Variants in PRKDC observed in about 807,000 individuals in gnomAD.
The protein encoded by PRKDC is protein kinase, DNA-activated, catalytic subunit.
PRKDC carries 82 observed loss-of-function variants against 486.9 expected under a neutral mutation model. The observed-to-expected ratio is 0.17, with a 90% CI of 0.14 to 0.20. The LOEUF (loss-of-function observed/expected upper bound fraction) is 0.20. Ranked by LOEUF, PRKDC falls within the 10% of genes least tolerant of loss-of-function variation. PRKDC has a pLI of 1.00. For missense variants in PRKDC, 4,504 were observed against 5,038.2 expected (o/e 0.89, Z 3.21); for synonymous variants, 1,895 against 1,837.0 (o/e 1.03, Z -0.81).
In PRKDC at chr8:47,898,415, T is replaced by C. The variant is rs55960960; in HGVS notation, c.3464+55A>G. 1,057 of 1,362,198 alleles carry C rather than the reference T, an allele frequency of 7.8e-4. 14 individuals carry two copies. The East Asian group carries it at 0.024, about 32-fold the overall frequency. The allele number at this position is 1,362,198 out of a possible 1,614,324, so 84.4% of individuals were successfully genotyped here. A position where few individuals can be genotyped will look rare whatever the true frequency, so the allele number is the denominator to read the frequency against. On this transcript the variant is annotated intron_variant, in intron 29 of 85. Coordinates refer to ENST00000314191, the MANE Select transcript of PRKDC (RefSeq NM_006904.7). Reference sequence around the variant, plus strand: ...CCATCCCAGGTTGTCCTTCATTAGCTGTGAATTAGTTTTATGTTGTGGGAA... The same window carrying C: ...CCATCCCAGGTTGTCCTTCATTAGCCGTGAATTAGTTTTATGTTGTGGGAA...
At chr8:47,881,581 C>T in intron 37 of PRKDC, 61 bp from the exon 38 acceptor site, 1 of 855,766 alleles carries the variant, frequency 1.2e-6, no homozygotes, top group African/African-American at 1.7e-5. Flanking sequence ...TTCCTTTAGC[C>T]CATTGCTCAA....
At chr8:47,886,835 G>A (rs540593707) in intron 35 of PRKDC, among the ~76,000 whole-genome samples, 11 of 152,186 alleles carry the variant, frequency 7.2e-5, no homozygotes, top group African/African-American at 2.6e-4. Context: ...CTACAAGCAT[G>A]TGCCACCATA....
At chr8:47,875,333 T>C (rs1259878122) in intron 40 of PRKDC, among the ~76,000 whole-genome samples, 1 of 152,234 alleles carries the variant, frequency 6.6e-6, no homozygotes, top group Non-Finnish European at 1.5e-5. Flanking sequence ...TGACAAACTG[T>C]GGTTCTTCCT....
intron 5 of PRKDC, 47 bp from the exon 6 acceptor site, chr8:47,953,966 AT>A (rs1563822723): frequency 1.7e-6 from 2 of 1,192,478 alleles, no homozygotes; most frequent in South Asian, 3.1e-5. Flanking sequence ...CTACATTTAA[AT>A]AAGTTAAACT....
chr8:47,810,233 T>A (rs1313292325), intron 68 of PRKDC, among the ~76,000 whole-genome samples: 3 of 152,204 alleles, frequency 2.0e-5, no homozygotes, highest in African/African-American at 7.2e-5. Flanking sequence ...ACCTGCAGTT[T>A]TGCTTTCCCT....
At chr8:47,807,078 G>GA (rs1010646663) in intron 69 of PRKDC, 59 bp downstream of exon 69, 22 of 1,501,934 alleles carry the variant, frequency 1.5e-5, no homozygotes, top group Non-Finnish European at 2.0e-5. Context: ...TAAAATTAGA[G>GA]AAAAGCTAAT....
chr8:47,864,828 C>G (rs916167162), intron 40 of PRKDC, 65 bp from the exon 41 acceptor site: 6 of 1,331,098 alleles, frequency 4.5e-6, no homozygotes, highest in Non-Finnish European at 6.0e-6. Flanking sequence ...TGAGTGCCTA[C>G]TACATAACAG....
intron 15 of PRKDC, 145 bp downstream of exon 15, chr8:47,933,820 G>A (rs185524844): frequency 6.0e-4 from 500 of 830,474 alleles, no homozygotes; most frequent in Non-Finnish European, 7.9e-4. Flanking sequence ...TGATTCATAC[G>A]GTTTTAATTT....
chr8:47,852,690 C>A lies in PRKDC; in HGVS notation c.6988G>T (p.Val2330Phe). The change falls in exon 52 of 86, where the codon GTT becomes TTT. Residue 2330 changes from valine to phenylalanine, a missense_variant. Val to Phe is a conservative substitution (Grantham distance 50). Transcript: ENST00000314191. ...ACACTCACGTTTTTTCTCTCCATAA[C>A]ATATCGAAGTATAAGTCCTAGAACT... ...AEVLGLILRYVMERKNILEES... is the reference protein window; with the variant it reads ...AEVLGLILRYFMERKNILEES... 6.4e-7 allele frequency: 1 copy of A among 1,570,638 alleles called. No individual in the cohort carries two copies. The highest frequency in any genetic ancestry group is 2.3e-5 in the East Asian group (1 of 43,694).
intron 40 of PRKDC, among the ~76,000 whole-genome samples, chr8:47,869,787 C>A (rs1173122113): frequency 2.0e-5 from 3 of 152,186 alleles, no homozygotes; most frequent in South Asian, 2.1e-4. Flanking sequence ...CTGCCCTGGG[C>A]CAGAGGGGAG....
intron 30 of PRKDC, among the ~76,000 whole-genome samples, chr8:47,895,044 C>T (rs887155494): frequency 6.6e-6 from 1 of 151,998 alleles, no homozygotes; most frequent in Non-Finnish European, 1.5e-5. Flanking sequence ...CTGCAACCTA[C>T]CTAGCCTGGG....
intron 83 of PRKDC, 94 bp from the exon 84 acceptor site, chr8:47,777,968 A>G: frequency 8.6e-7 from 1 of 1,160,258 alleles, no homozygotes; most frequent in Non-Finnish European, 1.2e-6. Context: ...GTTACTGTTC[A>G]CATTTAGTAA....
intron 21 of PRKDC, among the ~76,000 whole-genome samples, chr8:47,924,530 C>A (rs533682288): frequency 6.6e-6 from 1 of 151,718 alleles, no homozygotes; most frequent in Non-Finnish European, 1.5e-5. Flanking sequence ...ACTGCTCTCC[C>A]GCCTGGGAAA....
At chr8:47,920,149 A>C (rs562313242) in intron 21 of PRKDC, among the ~76,000 whole-genome samples, 2 of 152,310 alleles carry the variant, frequency 1.3e-5, no homozygotes, top group African/African-American at 4.8e-5. Flanking sequence ...GCTGTCAATA[A>C]ATATGTGGGT....
intron 54 of PRKDC, among the ~76,000 whole-genome samples, chr8:47,844,790 G>T (rs1356504604): frequency 6.6e-6 from 1 of 152,100 alleles, no homozygotes; most frequent in Non-Finnish European, 1.5e-5. Flanking sequence ...AATGACTATT[G>T]AGAAAACAAC....
chr8:47,867,993 T>TGTGG (rs2088856908), intron 40 of PRKDC, among the ~76,000 whole-genome samples: 1 of 152,238 alleles, frequency 6.6e-6, no homozygotes, highest in African/African-American at 2.4e-5. Flanking sequence ...TAAGACTAAC[T>TGTGG]GATTCCCAGA....
At chr8:47,831,259 C>T (rs1334445386) in intron 60 of PRKDC, among the ~76,000 whole-genome samples, 4 of 152,260 alleles carry the variant, frequency 2.6e-5, no homozygotes, top group Non-Finnish European at 5.9e-5. Flanking sequence ...TCCAGGGCTT[C>T]ACACCCAGAT....
chr8:47,908,357 A>T (rs2089831424), intron 25 of PRKDC, among the ~76,000 whole-genome samples: 1 of 152,076 alleles, frequency 6.6e-6, no homozygotes, highest in Admixed American at 6.5e-5. Flanking sequence ...TTAAAATCTG[A>T]TCTCTTCAGT....
intron 21 of PRKDC, among the ~76,000 whole-genome samples, chr8:47,924,299 C>T (rs975401846): frequency 9.2e-5 from 14 of 152,112 alleles, no homozygotes. Context: ...TAGCTCATGC[C>T]TGTAACCCCA....
Sources: allele counts gnomAD v4.1 joint callset (sites outside exome capture counted in the v4.1 genomes callset), GRCh38; gene constraint gnomAD v4.1.1; transcripts MANE v1.5; gene names NCBI Gene and HGNC (gene_info 2026-07-23, HGNC 2026-07-21).